KCNQ2: variants seen among roughly 807,000 people sequenced by gnomAD.
The protein encoded by KCNQ2 is potassium voltage-gated channel subfamily KQT member 2.
KCNQ2 carries 14 observed loss-of-function variants against 84.8 expected under a neutral mutation model. The observed-to-expected ratio is 0.17, with a 90% CI of 0.11 to 0.26. KCNQ2 has a LOEUF of 0.26. Ranked by LOEUF, KCNQ2 falls within the 10% of genes least tolerant of loss-of-function variation. KCNQ2 has a pLI of 1.00. For missense variants in KCNQ2, 788 were observed against 1,254.0 expected (o/e 0.63, Z 5.61); for synonymous variants, 599 against 554.1 (o/e 1.08, Z -1.14).
chr20:63,469,004 C>T (rs891166088), intron 1 of KCNQ2, among the ~76,000 whole-genome samples: 3 of 152,266 alleles, frequency 2.0e-5, no homozygotes, highest in African/African-American at 7.2e-5. Flanking sequence ...CCGCACCCAG[C>T]GGGAACAGAG....
intron 1 of KCNQ2, among the ~76,000 whole-genome samples, chr20:63,456,860 G>C (rs2145846420): frequency 6.6e-6 from 1 of 152,336 alleles, no homozygotes; most frequent in East Asian, 1.9e-4. Context: ...CCATGCTGAT[G>C]AGGCTGCACC....
At position 63,406,853 on chromosome 20, in the gene KCNQ2, C is replaced by T. The variant is rs1326071516; in HGVS notation, c.2410G>A (p.Gly804Ser). Residue 804 changes from glycine to serine, a missense_variant, in exon 17 of 17, where the codon GGC becomes AGC. Transcript: ENST00000359125. ...TCCTTGGACTGGGAGATGCTGAAGC[C>T]GCTGAAGGAACGCTCCAGCTCCTCG... ...DHEELERSFSGFSISQSKENL... is the reference protein window; with the variant it reads ...DHEELERSFSSFSISQSKENL... 5 of 1,612,394 alleles carry T rather than the reference C, an allele frequency of 3.1e-6. No individual in the cohort carries two copies. Among genetic ancestry groups the T allele is most frequent in the Non-Finnish European group, 4.2e-6 (5 of 1,179,788 alleles).
chr20:63,403,021 G>A lies in KCNQ2; in HGVS notation c.*3623C>T, dbSNP rs931237137. The stretch of plus-strand genomic sequence containing the variant: ...CTGCCTGGGCTGGGGCCTGGGATTC[G>A]AGGCTGAGCCACCCATCCCAGGAGG... On this transcript the variant is annotated 3_prime_UTR_variant, in exon 17 of 17. Coordinates refer to ENST00000359125, the MANE Select transcript of KCNQ2 (RefSeq NM_172107.4). 1.3e-5 allele frequency: 2 copies of A among 152,398 alleles called. No homozygotes were observed. Among genetic ancestry groups the A allele is most frequent in the East Asian group, 1.9e-4 (1 of 5,190 alleles). 9.4% of individuals were successfully genotyped at this position (152,398 alleles called of 1,614,324 possible). A position where few individuals can be genotyped will look rare whatever the true frequency, so the allele number is the denominator to read the frequency against.
At chr20:63,461,158 G>C (rs747511920) in intron 1 of KCNQ2, 1 of 152,192 alleles carries the variant, frequency 6.6e-6, no homozygotes, top group East Asian at 1.9e-4. Context: ...ACGACCAAAC[G>C]TTTATTTAAG....
At chr20:63,419,558 G>T in intron 12 of KCNQ2, 61 bp downstream of exon 12, 3 of 1,512,868 alleles carry the variant, frequency 2.0e-6, no homozygotes, top group Non-Finnish European at 2.7e-6. Flanking sequence ...CCTCTAGTAA[G>T]CAGGGAGGGG....
chr20:63,430,275 C>T (rs542968673), intron 9 of KCNQ2, among the ~76,000 whole-genome samples: 40 of 152,128 alleles, frequency 2.6e-4, no homozygotes, highest in African/African-American at 9.2e-4. Context: ...AGGAGGCAGC[C>T]GGCTTCAGCG....
chr20:63,424,331 G>T, intron 10 of KCNQ2, 125 bp from the exon 11 acceptor site: 1 of 1,169,290 alleles, frequency 8.6e-7, no homozygotes, highest in Non-Finnish European at 1.2e-6. Flanking sequence ...CTCAGAAAAG[G>T]CTGGGCAGGG....
At chr20:63,445,770 TCTGAGCTGGGGGACCCTG>T (rs1319667735) in intron 2 of KCNQ2, among the ~76,000 whole-genome samples, 3 of 147,800 alleles carry the variant, frequency 2.0e-5, no homozygotes, top group Admixed American at 6.7e-5. Context: ...GGGGACCCTG[TCTGAGCTGGGGGACCCTG>T]TCTGAGCTGG....
At position 63,408,641 on chromosome 20, in the gene KCNQ2, G is replaced by A; in HGVS notation, c.1764-105C>T. ...CAGTGCCCCTGGGTCTAGGCTGCAG[G>A]CTCAGCCCAGAGCCGACCAGGGGGC... On this transcript the variant is annotated intron_variant, in intron 15 of 16. Transcript: ENST00000359125. This position sits in a 1 kb window ranked among gnomAD's most constrained non-coding sequence, Gnocchi z 5.0. 1 of 1,526,250 alleles carries A rather than the reference G, an allele frequency of 6.6e-7. No individual in the cohort carries two copies. 94.5% of individuals were successfully genotyped at this position (1,526,250 alleles called of 1,614,324 possible).
intron 6 of KCNQ2, 100 bp downstream of exon 6, chr20:63,439,498 C>G (rs1262435276): frequency 1.1e-6 from 1 of 886,154 alleles, no homozygotes; most frequent in African/African-American, 1.6e-5. Context: ...GCTCCTGCCC[C>G]AGGTCCCACC....
chr20:63,426,518 T>C (rs1450612575), intron 10 of KCNQ2, among the ~76,000 whole-genome samples: 1 of 151,022 alleles, frequency 6.6e-6, no homozygotes, highest in Non-Finnish European at 1.5e-5. Flanking sequence ...TTTTTTTTAA[T>C]AGTCTTTTGG....
intron 4 of KCNQ2, among the ~76,000 whole-genome samples, chr20:63,443,184 A>ATCACTG (rs2081285166): frequency 9.2e-6 from 1 of 108,704 alleles, no homozygotes; most frequent in Admixed American, 9.2e-5. Flanking sequence ...CACCATCACC[A>ATCACTG]TCACCACCAC....
rs1407872177 is a variant in KCNQ2 at position 63,438,511 on chromosome 20, C to T, written c.1023+114G>A. On this transcript the variant is annotated intron_variant, in intron 7 of 16. Coordinates refer to ENST00000359125, the MANE Select transcript of KCNQ2 (RefSeq NM_172107.4). The surrounding 1 kb of genome is among the most constrained non-coding windows in gnomAD (Gnocchi z 5.1). Reference sequence around the variant, plus strand: ...TCCACAGATTCCTGCAGAGGGTGAGCGCTGTGGCCCATCCACAGACAGGGC... The same window carrying T: ...TCCACAGATTCCTGCAGAGGGTGAGTGCTGTGGCCCATCCACAGACAGGGC... 10 of 849,308 alleles carry T rather than the reference C, an allele frequency of 1.2e-5. No homozygotes were observed. The highest frequency in any genetic ancestry group is 5.3e-5 in the Admixed American group (3 of 56,220). 52.6% of individuals were successfully genotyped at this position (849,308 alleles called of 1,614,324 possible).
chr20:63,426,181 T>C (rs1568902417), intron 10 of KCNQ2, among the ~76,000 whole-genome samples: 1 of 152,230 alleles, frequency 6.6e-6, no homozygotes, highest in Non-Finnish European at 1.5e-5. Flanking sequence ...GCCAATCTAG[T>C]TTCTGCTGGT....
chr20:63,431,722 C>T (rs913260064), intron 8 of KCNQ2, among the ~76,000 whole-genome samples: 1 of 152,168 alleles, frequency 6.6e-6, no homozygotes, highest in South Asian at 2.1e-4. Context: ...CCAAGTGACA[C>T]CCTGAAAAGG....
intron 7 of KCNQ2, among the ~76,000 whole-genome samples, chr20:63,436,333 C>G (rs1452503912): frequency 1.3e-5 from 2 of 152,196 alleles, no homozygotes; most frequent in African/African-American, 4.8e-5. Context: ...AGATCGAGAC[C>G]ATCCTGGCTA....
At chr20:63,423,869 C>G (rs1329807586) in intron 11 of KCNQ2, 5 of 500,292 alleles carry the variant, frequency 1.0e-5, no homozygotes, top group Non-Finnish European at 1.8e-5. Flanking sequence ...GACCCCCTGC[C>G]TCCGAGAACC....
chr20:63,446,647 G>T lies in KCNQ2; in HGVS notation c.387+100C>A. 1.0e-6 allele frequency: 1 copy of T among 960,918 alleles called. No individual in the cohort carries two copies. The highest frequency in any genetic ancestry group is 1.7e-6 in the Non-Finnish European group (1 of 596,106). The allele number at this position is 960,918 out of a possible 1,614,324, so 59.5% of individuals were successfully genotyped here. A position where few individuals can be genotyped will look rare whatever the true frequency, so the allele number is the denominator to read the frequency against. Reference sequence around the variant, plus strand: ...GACATGGCCAGAGCTGGGGCTGGGGGCGTCAGAGGCCCTGTAGTAACAGGA... The same window carrying T: ...GACATGGCCAGAGCTGGGGCTGGGGTCGTCAGAGGCCCTGTAGTAACAGGA... On this transcript the variant is annotated intron_variant, in intron 2 of 16. Transcript: ENST00000359125. This position sits in a 1 kb window ranked among gnomAD's most constrained non-coding sequence, Gnocchi z 5.5.
chr20:63,436,733 G>GCTA (rs1230792155), intron 7 of KCNQ2, among the ~76,000 whole-genome samples: 3 of 151,312 alleles, frequency 2.0e-5, no homozygotes. Context: ...TAGACATAAT[G>GCTA]CTACTGCACA....
Sources: gnomAD v4.1 joint callset for allele counts (sites outside exome capture counted in the v4.1 genomes callset) on GRCh38, gnomAD v4.1.1 for gene constraint, Gnocchi (gnomAD v3.1) non-coding constraint, MANE v1.5 for transcripts, NCBI Gene and HGNC (gene_info 2026-07-23, HGNC 2026-07-21) for gene names.